GCNT2: variants seen among roughly 807,000 people sequenced by gnomAD.
GCNT2 encodes the protein glucosaminyl (N-acetyl) transferase 2 (I blood group), also known as N-acetyllactosaminide beta-1,6-N-acetylglucosaminyl-transferase.
Under a neutral mutation model 34.2 loss-of-function variants are expected in GCNT2, and 34 were observed. The ratio of observed to expected loss-of-function variants is 1.00; its 90% CI spans 0.76 to 1.32. The LOEUF is 1.32. Ranked by LOEUF, GCNT2 falls within the 40% of genes most tolerant of loss-of-function variation. GCNT2 has a pLI of 0.00. For missense variants in GCNT2, 584 were observed against 489.4 expected, an observed-to-expected ratio of 1.19 and a Z score of -1.82; for synonymous variants, 212 against 188.0, an observed-to-expected ratio of 1.13 and a Z score of -1.04.
At chr6:10,574,462 C>T (rs1472116611) in intron 3 of GCNT2, among the ~76,000 whole-genome samples, 2 of 152,164 alleles carry the variant, frequency 1.3e-5, no homozygotes, top group Non-Finnish European at 2.9e-5. Flanking sequence ...ACCCAGATGG[C>T]ACATATAAAG....
intron 3 of GCNT2, among the ~76,000 whole-genome samples, chr6:10,537,292 A>C (rs547860732): frequency 6.6e-6 from 1 of 152,170 alleles, no homozygotes; most frequent in Admixed American, 6.5e-5. Flanking sequence ...CTCACACTCT[A>C]TCCTTACTTT....
Position 10,611,624 on chromosome 6 carries a change from C to T in GCNT2, c.926-9727C>T, listed in dbSNP as rs116272741. Among the ~76,000 whole-genome samples, 1,319 of 152,186 alleles carry T rather than the reference C, an allele frequency of 8.7e-3. 15 individuals are homozygous for T. Among genetic ancestry groups the T allele is most frequent in the African/African-American group, 0.023 (965 of 41,548 alleles). On this transcript the variant is annotated intron_variant, in intron 3 of 4. Coordinates refer to ENST00000495262, the MANE Select transcript of GCNT2 (RefSeq NM_145649.5). ...GATTACAGGCGTGAGCCACCATGCC[C>T]GGCCTATGTACTTTGAATTTCCAAA...
intron 2 of GCNT2, 78 bp from the exon 3 acceptor site, chr6:10,528,553 C>T: frequency 2.8e-6 from 1 of 351,562 alleles, no homozygotes; most frequent in Non-Finnish European, 5.4e-6. Context: ...GGTCACCTCA[C>T]CCACTTGTAA....
chr6:10,568,811 C>T (rs993687551), intron 3 of GCNT2, among the ~76,000 whole-genome samples: 1 of 152,150 alleles, frequency 6.6e-6, no homozygotes, highest in Non-Finnish European at 1.5e-5. Flanking sequence ...TCATGTCACC[C>T]TCTCTGTTTG....
At chr6:10,620,476 G>A (rs1765986185) in intron 3 of GCNT2, among the ~76,000 whole-genome samples, 1 of 150,434 alleles carries the variant, frequency 6.6e-6, no homozygotes, top group African/African-American at 2.5e-5. Flanking sequence ...GCACAATCAT[G>A]GCTCATTGCA....
At chr6:10,583,105 T>C (rs1375399482) in intron 3 of GCNT2, among the ~76,000 whole-genome samples, 2 of 152,134 alleles carry the variant, frequency 1.3e-5, no homozygotes, top group African/African-American at 4.8e-5. Flanking sequence ...GGGAGAATAT[T>C]TTTAAAGGCC....
chr6:10,578,697 T>C (rs1290236065), intron 3 of GCNT2, among the ~76,000 whole-genome samples: 4 of 152,070 alleles, frequency 2.6e-5, no homozygotes, highest in Non-Finnish European at 4.4e-5. Context: ...CCGCCTGCCT[T>C]GGCCTCCCAA....
chr6:10,606,394 C>A (rs1174639226), intron 3 of GCNT2, among the ~76,000 whole-genome samples: 3 of 152,132 alleles, frequency 2.0e-5, no homozygotes, highest in African/African-American at 7.2e-5. Context: ...AAACATTTTC[C>A]CCCTCTTAAT....
Position 10,529,846 on chromosome 6 carries a change from T to G in GCNT2, c.925+10T>G, listed in dbSNP as rs1238684396. 2 of 1,602,060 alleles carry G rather than the reference T, an allele frequency of 1.2e-6. No individual in the cohort carries two copies. The highest frequency in any genetic ancestry group is 1.7e-5 in the Admixed American group (1 of 59,984). ...CTCAACAGGATTCCCGGTATGTACG[T>G]CTCTTAACTTTTATTTTTACGAATA... On this transcript the variant is annotated intron_variant, in intron 3 of 4. Transcript: ENST00000495262.
intron 3 of GCNT2, among the ~76,000 whole-genome samples, chr6:10,539,891 A>G (rs1761959609): frequency 6.6e-6 from 1 of 152,224 alleles, no homozygotes; most frequent in Admixed American, 6.5e-5. Flanking sequence ...CAGCCTAGGC[A>G]ACATAGTGAA....
intron 2 of GCNT2, among the ~76,000 whole-genome samples, chr6:10,528,072 G>T (rs1040848769): frequency 6.6e-6 from 1 of 152,082 alleles, no homozygotes; most frequent in Non-Finnish European, 1.5e-5. Context: ...ATGGGCTATT[G>T]GTCGTTTTGT....
chr6:10,608,071 C>A (rs1028826698), intron 3 of GCNT2, among the ~76,000 whole-genome samples: 1 of 145,424 alleles, frequency 6.9e-6, no homozygotes, highest in Admixed American at 6.8e-5. Flanking sequence ...AAATGGTATG[C>A]ACTTTTTTTT....
chr6:10,561,516 T>C (rs1036857837), intron 3 of GCNT2, among the ~76,000 whole-genome samples: 27 of 152,372 alleles, frequency 1.8e-4, no homozygotes, highest in African/African-American at 6.5e-4. Flanking sequence ...TGAAGCCATT[T>C]AATTTTTGCT....
intron 3 of GCNT2, among the ~76,000 whole-genome samples, chr6:10,545,022 T>C (rs1762210523): frequency 6.6e-6 from 1 of 152,142 alleles, no homozygotes; most frequent in Non-Finnish European, 1.5e-5. Context: ...ATAAAGCAAT[T>C]TAATTTAATC....
intron 3 of GCNT2, among the ~76,000 whole-genome samples, chr6:10,589,332 T>G (rs1002705563): frequency 4.9e-5 from 6 of 121,520 alleles, no homozygotes; most frequent in African/African-American, 1.4e-4. Context: ...GGTGTGTTTG[T>G]AGTGTGTGTG....
intron 3 of GCNT2, chr6:10,581,648 C>A: frequency 1.8e-6 from 1 of 567,810 alleles, no homozygotes; most frequent in Non-Finnish European, 2.2e-6. Flanking sequence ...GCTTTGGCTA[C>A]ATCATGTTGA....
chr6:10,614,641 A>AT (rs1195304277), intron 3 of GCNT2, among the ~76,000 whole-genome samples: 1 of 121,954 alleles, frequency 8.2e-6, no homozygotes, highest in East Asian at 2.8e-4. Flanking sequence ...AAAAAAAAAA[A>AT]AAAAGAGAAA....
At chr6:10,569,970 TTCTC>T (rs1193564713) in intron 3 of GCNT2, among the ~76,000 whole-genome samples, 1 of 149,348 alleles carries the variant, frequency 6.7e-6, no homozygotes, top group Non-Finnish European at 1.5e-5. Context: ...CTTCCTTTCT[TTCTC>T]TCTTTCTTTC....
intron 3 of GCNT2, among the ~76,000 whole-genome samples, chr6:10,590,779 C>T (rs934863145): frequency 1.3e-5 from 2 of 152,152 alleles, no homozygotes; most frequent in African/African-American, 2.4e-5. Context: ...GTCTCGATCT[C>T]CTGACCTCAT....
Sources: gnomAD v4.1 joint callset for allele counts (sites outside exome capture counted in the v4.1 genomes callset) on GRCh38, gnomAD v4.1.1 for gene constraint, MANE v1.5 for transcripts, NCBI Gene and HGNC (gene_info 2026-07-23, HGNC 2026-07-21) for gene names.